DCC: variants seen among roughly 807,000 people sequenced by gnomAD.
DCC encodes netrin receptor DCC.
Under a neutral mutation model 172.5 loss-of-function variants are expected in DCC, and 58 were observed. The ratio of observed to expected loss-of-function variants is 0.34; its 90% CI spans 0.27 to 0.42. The LOEUF (loss-of-function observed/expected upper bound fraction) is 0.42, where lower values mean the gene tolerates loss of function less well. Ranked by LOEUF, DCC falls within the 10% of genes least tolerant of loss-of-function variation. The pLI is 1.00. For synonymous variants in DCC, 709 were observed against 644.5 expected (o/e 1.10, Z -1.52); for missense variants, 1,740 against 1,791.0 (o/e 0.97, Z 0.51).
intron 3 of DCC, among the ~76,000 whole-genome samples, chr18:52,912,685 T>C (rs1465130576): frequency 6.6e-6 from 1 of 152,090 alleles, no homozygotes; most frequent in Non-Finnish European, 1.5e-5. Flanking sequence ...TAGTGTTTGA[T>C]CTTCATTACC....
intron 1 of DCC, among the ~76,000 whole-genome samples, chr18:52,733,692 C>T (rs777724218): frequency 2.0e-5 from 3 of 151,996 alleles, no homozygotes; most frequent in Admixed American, 1.3e-4. Context: ...GACATGTTCT[C>T]GCTATGTTAC....
At chr18:52,695,945 C>T (rs73455724) in intron 1 of DCC, among the ~76,000 whole-genome samples, 7,102 of 152,164 alleles carry the variant, frequency 0.047, 542 homozygotes, top group African/African-American at 0.16. Context: ...GGCTGTGGCT[C>T]CTTTACACAT....
chr18:52,555,726 T>C (rs2144730798), intron 1 of DCC, among the ~76,000 whole-genome samples: 1 of 152,266 alleles, frequency 6.6e-6, no homozygotes, highest in East Asian at 1.9e-4. Context: ...AAAAAATCTG[T>C]TATTATTTAA....
At chr18:53,495,127 C>T (rs1374301922) in intron 26 of DCC, among the ~76,000 whole-genome samples, 10 of 152,104 alleles carry the variant, frequency 6.6e-5, no homozygotes, top group Non-Finnish European at 1.0e-4. Flanking sequence ...CGTGGTGACT[C>T]ATGCCTGTAA....
At chr18:52,663,937 C>T (rs1434275094) in intron 1 of DCC, among the ~76,000 whole-genome samples, 1 of 151,878 alleles carries the variant, frequency 6.6e-6, no homozygotes, top group Non-Finnish European at 1.5e-5. Context: ...TCTCACTTTC[C>T]ATAGTAGAAA....
At chr18:52,610,618 A>G (rs2034259648) in intron 1 of DCC, among the ~76,000 whole-genome samples, 1 of 151,872 alleles carries the variant, frequency 6.6e-6, no homozygotes, top group South Asian at 2.1e-4. Flanking sequence ...TACACAGGGA[A>G]TTGGCAGCCT....
At chr18:53,111,379 C>A (rs961755370) in intron 7 of DCC, among the ~76,000 whole-genome samples, 9 of 148,162 alleles carry the variant, frequency 6.1e-5, no homozygotes, top group African/African-American at 2.0e-4. Flanking sequence ...TGCACATGTA[C>A]CCTAAAACTT....
chr18:52,397,648 C>G (rs1986281565), intron 1 of DCC, among the ~76,000 whole-genome samples: 1 of 151,968 alleles, frequency 6.6e-6, no homozygotes, highest in Non-Finnish European at 1.5e-5. Flanking sequence ...CCGAATCTGC[C>G]CACAGTTGCT....
chr18:53,204,080 TTTGA>T lies in DCC; in HGVS notation c.1574-1133_1574-1130del, dbSNP rs143631883. 6.0e-3 allele frequency among the ~76,000 whole-genome samples: 855 copies of T among 142,208 alleles called. 6 individuals carry two copies. Among genetic ancestry groups the T allele is most frequent in the Admixed American group, 0.023 (353 of 15,030 alleles). The allele number at this position is 142,208 out of a possible 152,430, so 93.3% of individuals were successfully genotyped here. On this transcript the variant is annotated intron_variant, in intron 9 of 28. Coordinates refer to ENST00000442544, the MANE Select transcript of DCC (RefSeq NM_005215.4). ...GCTTTACTGCAAATATATAGTTACA[TTTGA>T]TTAACAATGTAAACAATTTGATATG... is the stretch of plus-strand genomic sequence containing the variant.
intron 1 of DCC, among the ~76,000 whole-genome samples, chr18:52,693,933 T>C (rs1444368745): frequency 6.6e-6 from 1 of 152,106 alleles, no homozygotes; most frequent in Admixed American, 6.6e-5. Context: ...ATAGATATAT[T>C]CCAAATAATA....
chr18:52,872,626 G>T (rs1255097707), intron 2 of DCC, among the ~76,000 whole-genome samples: 2 of 152,112 alleles, frequency 1.3e-5, no homozygotes, highest in African/African-American at 2.4e-5. Context: ...TTGTTATTTT[G>T]CATGGTCTGT....
At chr18:53,067,931 G>T (rs2042597431) in intron 7 of DCC, among the ~76,000 whole-genome samples, 1 of 152,180 alleles carries the variant, frequency 6.6e-6, no homozygotes, top group African/African-American at 2.4e-5. Flanking sequence ...ACCCCAGCCA[G>T]TTAGCTGAAG....
intron 27 of DCC, among the ~76,000 whole-genome samples, chr18:53,517,438 TAAAATATAATAATA>T (rs1568182640): frequency 8.0e-6 from 1 of 124,584 alleles, no homozygotes; most frequent in East Asian, 2.1e-4. Context: ...CCCTAAAACT[TAAAATATAATAATA>T]ATAATAATAA....
chr18:53,059,979 T>C (rs2042470543), intron 5 of DCC, among the ~76,000 whole-genome samples: 1 of 151,944 alleles, frequency 6.6e-6, no homozygotes, highest in Non-Finnish European at 1.5e-5. Flanking sequence ...TAATAGACAG[T>C]ATATTTCAGA....
intron 1 of DCC, among the ~76,000 whole-genome samples, chr18:52,630,234 T>C (rs1381937436): frequency 6.6e-6 from 1 of 152,172 alleles, no homozygotes; most frequent in African/African-American, 2.4e-5. Context: ...AAAGAAGATA[T>C]ATAGTGAGTG....
At chr18:52,944,902 C>G (rs1568203074) in intron 5 of DCC, among the ~76,000 whole-genome samples, 2 of 152,082 alleles carry the variant, frequency 1.3e-5, no homozygotes, top group African/African-American at 4.8e-5. Flanking sequence ...TTTTAGTTGT[C>G]TATTTATTTT....
intron 5 of DCC, among the ~76,000 whole-genome samples, chr18:52,951,136 C>T (rs145415636): frequency 8.6e-5 from 13 of 152,016 alleles, no homozygotes; most frequent in Non-Finnish European, 1.9e-4. Flanking sequence ...TGAGAATGCA[C>T]GGACCTTGAG....
chr18:52,598,589 G>T (rs1341608895), intron 1 of DCC, among the ~76,000 whole-genome samples: 1 of 152,184 alleles, frequency 6.6e-6, no homozygotes, highest in Non-Finnish European at 1.5e-5. Flanking sequence ...AGAGCCAGCT[G>T]CAGGCCTCTT....
rs144953743 is a variant in DCC, at chr18:53,492,795, G to A, written c.3898+5837G>A. On this transcript the variant is annotated intron_variant, in intron 26 of 28. Transcript: ENST00000442544. Reference sequence around the variant, plus strand: ...GGATTCTCTTGGCTATGATTCTCTTGGCTATATGAGCTCTTTTCTCGTTCC... The same window carrying A: ...GGATTCTCTTGGCTATGATTCTCTTAGCTATATGAGCTCTTTTCTCGTTCC... 2.6e-3 allele frequency among the ~76,000 whole-genome samples: 398 copies of A among 151,920 alleles called. 1 individual carries two copies. The highest frequency in any genetic ancestry group is 9.2e-3 in the African/African-American group (380 of 41,454).
Sources: allele counts gnomAD v4.1 joint callset (sites outside exome capture counted in the v4.1 genomes callset), GRCh38; gene constraint gnomAD v4.1.1; transcripts MANE v1.5; gene names NCBI Gene and HGNC (gene_info 2026-07-23, HGNC 2026-07-21).